Variants in LRTM3 observed in about 807,000 individuals in gnomAD.
The protein encoded by LRTM3 is leucine-rich repeat transmembrane protein 3.
chr13:102,751,831 C>T, the LRTM3 span, among the ~76,000 whole-genome samples: 1 of 152,140 alleles, frequency 6.6e-6, no homozygotes, highest in African/African-American at 2.4e-5. Context: ...CTAAGTCCCA[C>T]AAATGACTGA....
the LRTM3 span, chr13:102,731,726 T>C: frequency 1.3e-6 from 2 of 1,551,410 alleles, no homozygotes; most frequent in Non-Finnish European, 1.7e-6. Flanking sequence ...TTCGCTACTT[T>C]TAACTTGAGG....
the LRTM3 span, chr13:102,738,868 A>T: frequency 5.8e-6 from 9 of 1,550,578 alleles, no homozygotes; most frequent in Middle Eastern, 1.7e-4. Context: ...GGAATATTGA[A>T]GGCTGCTTCA....
At chr13:102,746,530 T>G in the LRTM3 span, 10 of 1,550,980 alleles carry the variant, frequency 6.4e-6, no homozygotes, top group South Asian at 1.1e-4. Flanking sequence ...AGTCTAATTC[T>G]GATTTCTTTC....
chr13:102,737,385 A>G, the LRTM3 span: 22 of 1,550,886 alleles, frequency 1.4e-5, no homozygotes, highest in Non-Finnish European at 1.7e-5. Context: ...GTTAGAGAAG[A>G]CTCAGAAGGC....
chr13:102,730,579 C>T, the LRTM3 span: 2 of 1,551,102 alleles, frequency 1.3e-6, no homozygotes, highest in South Asian at 2.4e-5. Flanking sequence ...TCGGGCTGTG[C>T]AGATCACGGT....
At chr13:102,731,904 C>A in the LRTM3 span, 24 of 1,549,252 alleles carry the variant, frequency 1.5e-5, no homozygotes, top group Non-Finnish European at 2.1e-5. Flanking sequence ...TCTTCCTGCT[C>A]GATGATACGT....
chr13:102,736,842 C>T, the LRTM3 span: 3 of 1,551,094 alleles, frequency 1.9e-6, no homozygotes, highest in Non-Finnish European at 2.6e-6. Context: ...CCTGTGATAT[C>T]ATTCAAATAT....
the LRTM3 span, chr13:102,733,491 T>C: frequency 6.4e-7 from 1 of 1,551,338 alleles, no homozygotes; most frequent in Non-Finnish European, 8.7e-7. Context: ...TTAGATATTT[T>C]CCTTATCAGT....
chr13:102,730,998 T>G, the LRTM3 span: 2 of 1,551,488 alleles, frequency 1.3e-6, no homozygotes, highest in Non-Finnish European at 1.7e-6. Context: ...CTTACAATTC[T>G]GGGAAAGGCT....
the LRTM3 span, among the ~76,000 whole-genome samples, chr13:102,754,386 C>T: frequency 5.9e-5 from 9 of 152,044 alleles, no homozygotes; most frequent in Non-Finnish European, 8.8e-5. Context: ...TATTGTCTGA[C>T]CCTGTCTCAC....
chr13:102,739,219 T>C, the LRTM3 span: 1 of 1,550,344 alleles, frequency 6.5e-7, no homozygotes, highest in East Asian at 2.4e-5. Context: ...GTGGTTCTTT[T>C]CCATGCAGTA....
At chr13:102,757,366 A>AGCGACTAGTCACTGT in the LRTM3 span, among the ~76,000 whole-genome samples, 6 of 152,198 alleles carry the variant, frequency 3.9e-5, no homozygotes, top group Non-Finnish European at 7.3e-5. Context: ...TGATTCACAC[A>AGCGACTAGTCACTGT]GTGACTAGTG....
chr13:102,732,215 G>A, the LRTM3 span: 1 of 1,551,188 alleles, frequency 6.4e-7, no homozygotes, highest in Non-Finnish European at 8.7e-7. Flanking sequence ...TTCTAGGTTT[G>A]TCTTAGGGTC....
chr13:102,741,302 G>C, the LRTM3 span: 14 of 1,549,896 alleles, frequency 9.0e-6, no homozygotes, highest in South Asian at 1.7e-4. Flanking sequence ...TGTATTCACT[G>C]CCTGTTTTAA....
chr13:102,730,585 A>G, the LRTM3 span: 3 of 1,551,154 alleles, frequency 1.9e-6, no homozygotes, highest in Non-Finnish European at 8.7e-7. Context: ...TGTGCAGATC[A>G]CGGTCAGAAG....
the LRTM3 span, chr13:102,730,977 C>T: frequency 1.3e-6 from 2 of 1,551,442 alleles, no homozygotes; most frequent in South Asian, 2.4e-5. Flanking sequence ...CTGGTCATTG[C>T]ATAAGATTCT....
the LRTM3 span, chr13:102,741,799 T>G: frequency 1.9e-6 from 3 of 1,550,434 alleles, no homozygotes; most frequent in Non-Finnish European, 2.6e-6. Context: ...CCTTTGCTCT[T>G]TGTGCAATGA....
At chr13:102,729,578 G>A in the LRTM3 span, 5 of 1,531,684 alleles carry the variant, frequency 3.3e-6, no homozygotes, top group South Asian at 4.9e-5. Flanking sequence ...TTTCCTTAAG[G>A]TTTCAGGGGG....
At chr13:102,731,205 G>A in the LRTM3 span, 5 of 1,551,390 alleles carry the variant, frequency 3.2e-6, no homozygotes, top group Non-Finnish European at 3.5e-6. Context: ...TCAACAATCA[G>A]TGTCTTCATA....
Sources: gnomAD v4.1 joint callset for allele counts (sites outside exome capture counted in the v4.1 genomes callset) on GRCh38, gnomAD v4.1.1 for gene constraint, MANE v1.5 for transcripts, NCBI Gene and HGNC (gene_info 2026-07-23, HGNC 2026-07-21) for gene names.